Variants in ZNF649 observed in about 807,000 individuals in gnomAD.
ZNF649 encodes the protein zinc finger protein 649.
In ZNF649, 7 loss-of-function variants were observed where a neutral mutation model predicts 14.1. The ratio of observed to expected loss-of-function variants is 0.49; its 90% confidence interval spans 0.28 to 0.93. ZNF649 has a LOEUF of 0.93. Ranked by LOEUF, ZNF649 falls within the 40% of genes least tolerant of loss-of-function variation. ZNF649 has a pLI of 0.10. For synonymous variants in ZNF649, 227 were observed against 212.3 expected, an observed-to-expected ratio of 1.07 and a Z score of -0.60; for missense variants, 544 against 608.1, an observed-to-expected ratio of 0.89 and a Z score of 1.11.
At chr19:51,896,202 G>A in intron 4 of ZNF649, 1 of 315,716 alleles carries the variant, frequency 3.2e-6, no homozygotes, top group South Asian at 4.7e-5. Context: ...AGAAGAATGG[G>A]AAGATGTGAA....
chr19:51,891,126 T>C lies in ZNF649; in HGVS notation c.1010A>G (p.Gln337Arg), dbSNP rs201651426. ...AGGTTTCTCTCCAGTGTGAGTTCGT[T>C]GATGTATGTTGAGATTGCCCTTCTG... is the stretch of plus-strand genomic sequence containing the variant. ...FIQKGNLNIH[Q>R]RTHTGEKPYG... is the part of the protein sequence containing the mutation. The change falls in exon 5 of 5, where the codon CAA becomes CGA. Residue 337 changes from glutamine to arginine, a missense_variant. Gln to Arg is a conservative substitution (Grantham distance 43). Coordinates refer to ENST00000354957, the MANE Select transcript of ZNF649 (RefSeq NM_023074.4). This position sits in a 1 kb window ranked among gnomAD's most constrained non-coding sequence, Gnocchi z 4.2. 6.2e-7 allele frequency: 1 copy of C among 1,614,144 alleles called. No individual in the cohort carries two copies. Among genetic ancestry groups the C allele is most frequent in the Non-Finnish European group, 8.5e-7 (1 of 1,179,998 alleles).
intron 4 of ZNF649, among the ~76,000 whole-genome samples, chr19:51,894,487 ACTT>A (rs1344792222): frequency 6.6e-6 from 1 of 151,672 alleles, no homozygotes; most frequent in African/African-American, 2.4e-5. Context: ...CAGTTCTACA[ACTT>A]CTTGTCATAT....
chr19:51,903,312 T>A (rs1568457751), intron 1 of ZNF649, among the ~76,000 whole-genome samples: 1 of 151,998 alleles, frequency 6.6e-6, no homozygotes, highest in Non-Finnish European at 1.5e-5. Context: ...AACTTCCCTG[T>A]TGCCAGGCAG....
chr19:51,901,510 T>G (rs2122773131), intron 1 of ZNF649, among the ~76,000 whole-genome samples: 1 of 152,298 alleles, frequency 6.6e-6, no homozygotes, highest in African/African-American at 2.4e-5. Flanking sequence ...CCAGGCACAG[T>G]GGCTCATGCA....
chr19:51,892,374 C>CA (rs5828499), intron 4 of ZNF649, among the ~76,000 whole-genome samples: 3,623 of 107,658 alleles, frequency 0.034, 108 homozygotes, highest in African/African-American at 0.1. Flanking sequence ...GACTCCATCT[C>CA]AAAAAAAAAA....
intron 1 of ZNF649, among the ~76,000 whole-genome samples, chr19:51,904,422 C>T (rs554885099): frequency 2.6e-5 from 4 of 152,098 alleles, no homozygotes; most frequent in African/African-American, 9.7e-5. Flanking sequence ...TATAGTTTCA[C>T]AACTCAACCC....
chr19:51,890,629 G>A lies in ZNF649; in HGVS notation c.1507C>T (p.Leu503=). The change falls in exon 5 of 5, where the codon CTG becomes TTG. Residue 503 remains leucine, a synonymous_variant. Coordinates refer to ENST00000354957, the MANE Select transcript of ZNF649 (RefSeq NM_023074.4). ...VAGQCEFAHI[L]HS Reference sequence around the variant, plus strand: ...CAGCAAACTGTTTATCATGAATGCAGGATGTGGGCAAACTCACACTGCCCT... The same window carrying A: ...CAGCAAACTGTTTATCATGAATGCAAGATGTGGGCAAACTCACACTGCCCT... 1.2e-6 allele frequency: 2 copies of A among 1,607,462 alleles called. No homozygotes were observed. The highest frequency in any genetic ancestry group is 1.3e-5 in the African/African-American group (1 of 74,944).
At chr19:51,899,298 G>A (rs1452293193) in intron 2 of ZNF649, among the ~76,000 whole-genome samples, 1 of 152,162 alleles carries the variant, frequency 6.6e-6, no homozygotes, top group Non-Finnish European at 1.5e-5. Context: ...ACAGGGAAGG[G>A]CTCTGTATTT....
intron 4 of ZNF649, among the ~76,000 whole-genome samples, chr19:51,894,228 GTT>G (rs2085044590): frequency 6.6e-6 from 1 of 151,952 alleles, no homozygotes; most frequent in South Asian, 2.1e-4. Flanking sequence ...CGCCTCCCAG[GTT>G]CAAGCAATTC....
chr19:51,893,474 A>G (rs541974181), intron 4 of ZNF649, among the ~76,000 whole-genome samples: 1 of 152,232 alleles, frequency 6.6e-6, no homozygotes, highest in Middle Eastern at 3.4e-3. Flanking sequence ...CTTTTGTTAG[A>G]ATATAAAGTT....
chr19:51,891,236 G>A lies in ZNF649; in HGVS notation c.900C>T (p.Ser300=), dbSNP rs1370428346. Residue 300 remains serine (S), a synonymous_variant, in exon 5 of 5, where the codon TCC becomes TCT. Transcript: ENST00000354957. The surrounding 1 kb of genome is among the most constrained non-coding windows in gnomAD (Gnocchi z 4.2). Reference sequence around the variant, plus strand: ...GATGTACAACGAGTAGTGATTTTCTGGAGAAAGCTCTCCCACATTCGCTGC... The same window carrying A: ...GATGTACAACGAGTAGTGATTTTCTAGAGAAAGCTCTCCCACATTCGCTGC... ...HQCSECGRAF[S]RKSLLVVHQR... is the part of the protein sequence containing the mutation. 6.2e-7 allele frequency: 1 copy of A among 1,614,186 alleles called. No individual in the cohort carries two copies. Among genetic ancestry groups the A allele is most frequent in the Non-Finnish European group, 8.5e-7 (1 of 1,180,040 alleles).
Position 51,890,852 on chromosome 19 carries a change from T to C in ZNF649, c.1284A>G (p.Arg428=). 1 of 1,614,194 alleles carries C rather than the reference T, an allele frequency of 6.2e-7. No homozygotes were observed. Among genetic ancestry groups the C allele is most frequent in the Non-Finnish European group, 8.5e-7 (1 of 1,180,044 alleles). Reference sequence around the variant, plus strand: ...TCTCACACTCATCACAGCCATAGGGTCTCTCTCCCGTGTGAGTTCTGTGAT... The same window carrying C: ...TCTCACACTCATCACAGCCATAGGGCCTCTCTCCCGTGTGAGTTCTGTGAT... ...IVHHRTHTGE[R]PYGCDECEKA... Residue 428 remains arginine (R), a synonymous_variant, in exon 5 of 5, where the codon AGA becomes AGG. Coordinates refer to ENST00000354957, the MANE Select transcript of ZNF649 (RefSeq NM_023074.4).
rs745842372 is a variant in ZNF649, at chr19:51,896,943, G to A, written c.51C>T (p.Phe17=). 27 of 1,614,082 alleles carry A rather than the reference G, an allele frequency of 1.7e-5. No homozygotes were observed. The highest frequency in any genetic ancestry group is 2.2e-5 in the Non-Finnish European group (26 of 1,180,030). The part of the protein sequence containing the change: ...SLTLEDVAVD[F]TWEEWQFLSP... ...TCAGGAACTGCCACTCCTCCCAGGT[G>A]AAGTCCACAGCCACATCCTCCAGGG... The change falls in exon 3 of 5, where the codon TTC becomes TTT. Residue 17 remains phenylalanine (F), a synonymous_variant. Coordinates refer to ENST00000354957, the MANE Select transcript of ZNF649 (RefSeq NM_023074.4).
intron 2 of ZNF649, among the ~76,000 whole-genome samples, chr19:51,897,665 TACAC>T (rs1444281676): frequency 6.6e-6 from 1 of 152,124 alleles, no homozygotes; most frequent in Non-Finnish European, 1.5e-5. Context: ...TACACACACA[TACAC>T]ACGCATGCAG....
At chr19:51,900,709 T>A (rs1418978873) in intron 1 of ZNF649, among the ~76,000 whole-genome samples, 2 of 152,080 alleles carry the variant, frequency 1.3e-5, no homozygotes, top group African/African-American at 4.8e-5. Flanking sequence ...TAAGCCTTTT[T>A]CCCAACAATC....
At chr19:51,898,620 T>C in intron 2 of ZNF649, among the ~76,000 whole-genome samples, 1 of 151,676 alleles carries the variant, frequency 6.6e-6, no homozygotes, top group African/African-American at 2.4e-5. Flanking sequence ...CATGATTAAA[T>C]CATCAACCAT....
Position 51,891,158 on chromosome 19 carries a change from GC to G in ZNF649, c.977del (p.Gly326AlafsTer37). ...TGTTGAGATTGCCCTTCTGAATGAA[GC>G]CTTTTCCACATTCACTGCATGTATG... ...KPHTCSECGK[G>X]FIQKGNLNIH... is the part of the protein sequence containing the mutation. On this transcript the variant is annotated frameshift_variant, in exon 5 of 5. Transcript: ENST00000354957. LOFTEE classifies it low-confidence loss of function (END_TRUNC). The surrounding 1 kb of genome is among the most constrained non-coding windows in gnomAD (Gnocchi z 4.2). 6.2e-7 allele frequency: 1 copy of G among 1,614,216 alleles called. No individual in the cohort carries two copies. The highest frequency in any genetic ancestry group is 1.6e-4 in the Middle Eastern group (1 of 6,062).
chr19:51,904,420 C>A (rs905236472), intron 1 of ZNF649, among the ~76,000 whole-genome samples: 16 of 152,068 alleles, frequency 1.1e-4, no homozygotes, highest in Non-Finnish European at 1.6e-4. Flanking sequence ...GTTATAGTTT[C>A]ACAACTCAAC....
chr19:51,896,749 T>C (rs946913207), intron 3 of ZNF649, 103 bp downstream of exon 3: 7 of 1,610,850 alleles, frequency 4.3e-6, no homozygotes, highest in African/African-American at 1.3e-5. Context: ...CCTGAGGATC[T>C]GCCATTTGGG....
Sources: gnomAD v4.1 joint callset for allele counts (sites outside exome capture counted in the v4.1 genomes callset) on GRCh38, gnomAD v4.1.1 for gene constraint, Gnocchi (gnomAD v3.1) non-coding constraint, MANE v1.5 for transcripts, NCBI Gene and HGNC (gene_info 2026-07-23, HGNC 2026-07-21) for gene names.